The following GTF2I variants were observed in gnomAD, a reference collection of about 807,000 sequenced individuals.
The protein encoded by GTF2I is general transcription factor II-I.
Under a neutral mutation model 67.6 loss-of-function variants are expected in GTF2I, and 12 were observed. The observed-to-expected ratio is 0.18, with a 90% CI of 0.11 to 0.29. The LOEUF is 0.29. GTF2I is among the 10% of genes least tolerant of loss of function. GTF2I has a pLI of 1.00. For synonymous variants in GTF2I, 149 were observed against 197.0 expected (o/e 0.76, Z 2.04); for missense variants, 271 against 580.1 (o/e 0.47, Z 5.47).
intron 1 of GTF2I, among the ~76,000 whole-genome samples, chr7:74,682,662 C>T (rs1389692645): frequency 2.6e-5 from 4 of 152,066 alleles, no homozygotes; most frequent in South Asian, 2.1e-4. Flanking sequence ...AACTAACTCA[C>T]TAAGATAATT....
chr7:74,688,306 C>T lies in GTF2I; in HGVS notation c.-5-818C>T, dbSNP rs189271000. ...GTTGGCCAGGCTAATCTCGAACTCCCGACCTCAGGTGATCCACCTGCCTCG... is the reference window on the plus strand; with the variant it reads ...GTTGGCCAGGCTAATCTCGAACTCCTGACCTCAGGTGATCCACCTGCCTCG... On this transcript the variant is annotated intron_variant, in intron 1 of 34. Transcript: ENST00000573035. Among the ~76,000 whole-genome samples the T allele has an allele frequency of 3.3e-5, 5 of 152,096 alleles. No individual in the cohort carries two copies. In the South Asian group the frequency reaches 8.3e-4, roughly 25 times the overall value.
intron 1 of GTF2I, among the ~76,000 whole-genome samples, chr7:74,661,643 G>A (rs1209173952): frequency 6.6e-6 from 1 of 151,656 alleles, no homozygotes; most frequent in Admixed American, 6.6e-5. Flanking sequence ...TCTCACCACT[G>A]CACTCCAGCC....
At chr7:74,720,741 ATTTT>A in intron 12 of GTF2I, among the ~76,000 whole-genome samples, 1 of 132,342 alleles carries the variant, frequency 7.6e-6, no homozygotes, top group East Asian at 2.2e-4. Flanking sequence ...TAGAAGCTGT[ATTTT>A]TTTTTTTTTT....
At chr7:74,688,114 T>C (rs1787903755) in intron 1 of GTF2I, among the ~76,000 whole-genome samples, 1 of 152,214 alleles carries the variant, frequency 6.6e-6, no homozygotes, top group African/African-American at 2.4e-5. Context: ...AGGCTCACTC[T>C]GTCACCAAGG....
intron 3 of GTF2I, among the ~76,000 whole-genome samples, chr7:74,695,408 A>C (rs1788789263): frequency 1.3e-5 from 2 of 152,182 alleles, no homozygotes; most frequent in African/African-American, 2.4e-5. Context: ...TTTTATATGC[A>C]TTGGGAAACC....
intron 1 of GTF2I, among the ~76,000 whole-genome samples, chr7:74,670,706 AAAAC>A (rs1562937739): frequency 6.6e-6 from 1 of 151,254 alleles, no homozygotes; most frequent in Non-Finnish European, 1.5e-5. Flanking sequence ...AAACAAAAAA[AAAAC>A]AAAAAAAAAA....
intron 1 of GTF2I, among the ~76,000 whole-genome samples, chr7:74,671,338 T>C (rs1350286125): frequency 6.6e-6 from 1 of 152,014 alleles, no homozygotes; most frequent in Non-Finnish European, 1.5e-5. Context: ...TTGCCCACCC[T>C]GGCCTCCCAA....
At chr7:74,758,708 TG>T in intron 33 of GTF2I, 71 bp from the exon 34 acceptor site, 1 of 551,388 alleles carries the variant, frequency 1.8e-6, no homozygotes, top group Non-Finnish European at 3.4e-6. Flanking sequence ...GTAAATAGTT[TG>T]GTACGAATGG....
chr7:74,698,252 G>C (rs943389371), intron 3 of GTF2I, among the ~76,000 whole-genome samples: 1 of 152,036 alleles, frequency 6.6e-6, no homozygotes, highest in East Asian at 1.9e-4. Context: ...ACCGCGCCCG[G>C]CCTAATTTTT....
chr7:74,691,447 C>T (rs587619584), intron 3 of GTF2I, among the ~76,000 whole-genome samples: 1 of 152,228 alleles, frequency 6.6e-6, no homozygotes, highest in Non-Finnish European at 1.5e-5. Flanking sequence ...CTCAGGTGAT[C>T]TGCCCACCTT....
intron 4 of GTF2I, 111 bp from the exon 5 acceptor site, chr7:74,700,136 A>G: frequency 1.8e-6 from 2 of 1,085,130 alleles, no homozygotes; most frequent in Non-Finnish European, 2.7e-6. Context: ...TTTTGAAATC[A>G]TATATTATAA....
intron 23 of GTF2I, among the ~76,000 whole-genome samples, chr7:74,746,973 G>A (rs1795455143): frequency 7.0e-6 from 1 of 143,372 alleles, no homozygotes; most frequent in South Asian, 2.3e-4. Flanking sequence ...TATATCTTTA[G>A]TAGAGACGGG....
chr7:74,662,251 G>T (rs1375536558), intron 1 of GTF2I, among the ~76,000 whole-genome samples: 89 of 117,900 alleles, frequency 7.5e-4, no homozygotes, highest in African/African-American at 2.8e-3. Context: ...TCACTCTGTC[G>T]CCCAGGCTGG....
intron 1 of GTF2I, among the ~76,000 whole-genome samples, chr7:74,677,198 G>T (rs1218416951): frequency 6.6e-6 from 1 of 152,126 alleles, no homozygotes; most frequent in Non-Finnish European, 1.5e-5. Flanking sequence ...CTGAATCCTG[G>T]TTTAGACTAA....
At chr7:74,658,424 T>C (rs1167866957) in intron 1 of GTF2I, among the ~76,000 whole-genome samples, 7 of 142,484 alleles carry the variant, frequency 4.9e-5, no homozygotes, top group Admixed American at 1.4e-4. Flanking sequence ...GGGGGGCGCC[T>C]CGCGCGTGCG....
intron 2 of GTF2I, among the ~76,000 whole-genome samples, chr7:74,689,467 G>C (rs1320358630): frequency 2.7e-5 from 4 of 145,620 alleles, no homozygotes; most frequent in Admixed American, 1.5e-4. Context: ...CGATTCTCCT[G>C]CCTTAGCCTT....
intron 3 of GTF2I, among the ~76,000 whole-genome samples, chr7:74,694,591 AAAAAG>A (rs1407893901): frequency 6.6e-6 from 1 of 152,212 alleles, no homozygotes; most frequent in Non-Finnish European, 1.5e-5. Context: ...CAAAAGAAAA[AAAAAG>A]GAAAGACAGA....
intron 6 of GTF2I, among the ~76,000 whole-genome samples, chr7:74,701,567 T>C (rs1554399904): frequency 6.6e-6 from 1 of 152,078 alleles, no homozygotes; most frequent in Admixed American, 6.6e-5. Flanking sequence ...GCTTCCCAGG[T>C]TCAAGTGATT....
intron 3 of GTF2I, 146 bp from the exon 4 acceptor site, chr7:74,698,815 A>G (rs1298023317): frequency 2.8e-6 from 1 of 360,840 alleles, no homozygotes; most frequent in South Asian, 1.4e-4. Flanking sequence ...TGGTTAAGAA[A>G]TAGTTTTTTC....
Sources: allele counts gnomAD v4.1 joint callset (sites outside exome capture counted in the v4.1 genomes callset), GRCh38; gene constraint gnomAD v4.1.1; transcripts MANE v1.5; gene names NCBI Gene and HGNC (gene_info 2026-07-23, HGNC 2026-07-21).